ROCK1: variants seen among roughly 807,000 people sequenced by gnomAD.
ROCK1 encodes Rho associated coiled-coil containing protein kinase 1.
Under a neutral mutation model 196.8 loss-of-function variants are expected in ROCK1, and 36 were observed. The observed-to-expected ratio is 0.18, with a 90% CI of 0.14 to 0.24. The LOEUF is 0.24. ROCK1 is among the 10% of genes least tolerant of loss of function. The pLI is 1.00. For missense variants in ROCK1, 920 were observed against 1,562.0 expected (o/e 0.59, Z 6.93); for synonymous variants, 443 against 515.9 (o/e 0.86, Z 1.91).
In ROCK1 at chr18:20,947,454, G is replaced by A. The variant is rs1369097955; in HGVS notation, c.*3930C>T. ...TGGCAGTAAATATATCTAGGCCATT[G>A]AGCATGGCTTTATATATACATACTA... On this transcript the variant is annotated 3_prime_UTR_variant, in exon 33 of 33. Transcript: ENST00000399799. The A allele has an allele frequency of 3.3e-5, 5 of 151,974 alleles. No individual in the cohort carries two copies. Among genetic ancestry groups the A allele is most frequent in the African/African-American group, 1.2e-4 (5 of 41,368 alleles). The allele number at this position is 151,974 out of a possible 1,614,324, so 9.4% of individuals were successfully genotyped here. A position where few individuals can be genotyped will look rare whatever the true frequency, so the allele number is the denominator to read the frequency against.
At chr18:21,045,062 T>A in intron 5 of ROCK1, 2 of 258,044 alleles carry the variant, frequency 7.8e-6, no homozygotes, top group Non-Finnish European at 1.5e-5. Context: ...GGTTTCACCA[T>A]GTTGTCCAGG....
intron 13 of ROCK1, among the ~76,000 whole-genome samples, chr18:21,013,621 G>A (rs2143449976): frequency 6.6e-6 from 1 of 152,314 alleles, no homozygotes; most frequent in Non-Finnish European, 1.5e-5. Context: ...GCTGTCTGGG[G>A]AGAGAAAGAA....
At chr18:20,980,684 A>T (rs1407037434) in intron 21 of ROCK1, among the ~76,000 whole-genome samples, 7 of 152,146 alleles carry the variant, frequency 4.6e-5, no homozygotes, top group Non-Finnish European at 4.4e-5. Flanking sequence ...TGGGAGGCCA[A>T]GGCGGGCAGA....
intron 11 of ROCK1, among the ~76,000 whole-genome samples, chr18:21,023,361 T>C (rs1260621558): frequency 1.3e-5 from 2 of 152,100 alleles, no homozygotes; most frequent in Admixed American, 1.3e-4. Flanking sequence ...AGTTCCTGAT[T>C]CCGAAGATTA....
At chr18:21,040,820 C>T (rs770583269) in intron 8 of ROCK1, among the ~76,000 whole-genome samples, 9 of 152,120 alleles carry the variant, frequency 5.9e-5, no homozygotes, top group Non-Finnish European at 1.0e-4. Context: ...TAATACAATG[C>T]TTTATATTAA....
intron 1 of ROCK1, among the ~76,000 whole-genome samples, chr18:21,109,203 G>A (rs1162484153): frequency 6.6e-6 from 1 of 152,122 alleles, no homozygotes; most frequent in African/African-American, 2.4e-5. Flanking sequence ...GTGTATATAT[G>A]TGAGACAAGG....
intron 8 of ROCK1, among the ~76,000 whole-genome samples, chr18:21,041,762 C>T (rs567077451): frequency 2.0e-4 from 30 of 152,136 alleles, no homozygotes; most frequent in South Asian, 1.0e-3. Flanking sequence ...GAGATGTACT[C>T]TAATTTCAGA....
At chr18:20,999,770 G>C (rs1371746742) in intron 16 of ROCK1, among the ~76,000 whole-genome samples, 1 of 152,100 alleles carries the variant, frequency 6.6e-6, no homozygotes, top group Non-Finnish European at 1.5e-5. Flanking sequence ...TGGGACAACA[G>C]GCGTGCACCA....
chr18:20,960,016 G>T, intron 28 of ROCK1, 88 bp from the exon 29 acceptor site: 1 of 1,029,688 alleles, frequency 9.7e-7, no homozygotes, highest in Non-Finnish European at 1.5e-6. Flanking sequence ...CTAATATCTA[G>T]ATTATACTGT....
intron 1 of ROCK1, among the ~76,000 whole-genome samples, chr18:21,106,095 C>A (rs554669440): frequency 6.6e-6 from 1 of 152,172 alleles, no homozygotes; most frequent in African/African-American, 2.4e-5. Context: ...TAGAACTCAA[C>A]AGGCACTATT....
intron 9 of ROCK1, among the ~76,000 whole-genome samples, chr18:21,033,065 C>T (rs2036023627): frequency 6.6e-6 from 1 of 151,954 alleles, no homozygotes; most frequent in Admixed American, 6.5e-5. Context: ...GGTGTGGTGA[C>T]ACATGACCGT....
rs147906887 is a variant in ROCK1 at position 20,992,347 on chromosome 18, T to G, written c.1992+484A>C. ...CATCTATTTAACTCTTAGCTAGGTA[T>G]ATAACAGAGAATAACCAATGAAATT... On this transcript the variant is annotated intron_variant, in intron 17 of 32. Transcript: ENST00000399799. 5.9e-5 allele frequency among the ~76,000 whole-genome samples: 9 copies of G among 152,338 alleles called. No homozygotes were observed. In the East Asian group the frequency reaches 1.3e-3, roughly 23 times the overall value.
intron 11 of ROCK1, 121 bp downstream of exon 11, chr18:21,023,499 A>T (rs2035931466): frequency 1.1e-5 from 5 of 471,622 alleles, no homozygotes. Flanking sequence ...GTGCCATAAA[A>T]ATCTAAGTTC....
chr18:20,994,414 G>A (rs1276723966), intron 16 of ROCK1, among the ~76,000 whole-genome samples: 1 of 152,152 alleles, frequency 6.6e-6, no homozygotes, highest in East Asian at 1.9e-4. Flanking sequence ...CAGGCAGATT[G>A]CCTGAGCTCA....
chr18:20,967,442 GC>G (rs1482947914), intron 26 of ROCK1, among the ~76,000 whole-genome samples: 2 of 152,218 alleles, frequency 1.3e-5, no homozygotes, highest in Non-Finnish European at 2.9e-5. Context: ...AGATCTAAGT[GC>G]CCGAGACCAG....
At chr18:21,013,777 C>T (rs1276320007) in intron 13 of ROCK1, among the ~76,000 whole-genome samples, 1 of 152,052 alleles carries the variant, frequency 6.6e-6, no homozygotes, top group African/African-American at 2.4e-5. Flanking sequence ...AATGGGGCTA[C>T]AGTTGGCTGG....
intron 16 of ROCK1, among the ~76,000 whole-genome samples, chr18:20,999,443 C>G (rs2035701511): frequency 6.6e-6 from 1 of 151,392 alleles, no homozygotes; most frequent in African/African-American, 2.4e-5. Context: ...TCTTACACAC[C>G]AAAAAACACT....
intron 13 of ROCK1, among the ~76,000 whole-genome samples, chr18:21,011,324 G>A (rs1284778304): frequency 2.0e-5 from 3 of 151,930 alleles, no homozygotes; most frequent in Non-Finnish European, 1.5e-5. Context: ...GTATCTCCTT[G>A]TAAGGCCTTT....
At chr18:21,016,276 A>C (rs1416842914) in intron 12 of ROCK1, among the ~76,000 whole-genome samples, 1 of 152,204 alleles carries the variant, frequency 6.6e-6, no homozygotes, top group Non-Finnish European at 1.5e-5. Context: ...GTTAGAGAAA[A>C]CGTTCACCTT....
Sources: allele counts gnomAD v4.1 joint callset (sites outside exome capture counted in the v4.1 genomes callset), GRCh38; gene constraint gnomAD v4.1.1; transcripts MANE v1.5; gene names NCBI Gene and HGNC (gene_info 2026-07-23, HGNC 2026-07-21).